NAV3: variants seen among roughly 807,000 people sequenced by gnomAD.
The protein encoded by NAV3 is pore membrane and/or filament interacting like protein 1.
In NAV3, 87 loss-of-function variants were observed where a neutral mutation model predicts 244.7. The observed-to-expected ratio is 0.36, with a 90% CI of 0.30 to 0.42. The LOEUF (loss-of-function observed/expected upper bound fraction) is 0.42. Ranked by LOEUF, NAV3 falls within the 20% of genes least tolerant of loss-of-function variation. The pLI is 1.00. For missense variants in NAV3, 2,663 were observed against 2,893.3 expected, an observed-to-expected ratio of 0.92 and a Z score of 1.83; for synonymous variants, 1,126 against 1,042.2, an observed-to-expected ratio of 1.08 and a Z score of -1.55.
At chr12:78,105,743 A>C (rs1445435402) in intron 12 of NAV3, among the ~76,000 whole-genome samples, 2 of 151,884 alleles carry the variant, frequency 1.3e-5, no homozygotes, top group East Asian at 3.8e-4. Flanking sequence ...TTCTTCATCA[A>C]GTTGGTATCT....
upstream of NAV3, among the ~76,000 whole-genome samples, chr12:77,829,314 G>A (rs919820135): frequency 6.6e-6 from 1 of 152,112 alleles, no homozygotes; most frequent in Non-Finnish European, 1.5e-5. Flanking sequence ...GTAATTCTGA[G>A]TCACTTCCTT....
chr12:78,063,401 G>C (rs532222091), intron 12 of NAV3, among the ~76,000 whole-genome samples: 34 of 152,220 alleles, frequency 2.2e-4, no homozygotes, highest in African/African-American at 8.2e-4. Context: ...CATTTTTGGG[G>C]ACTGCAGGAT....
chr12:78,122,708 A>G (rs888501099), intron 16 of NAV3, among the ~76,000 whole-genome samples: 2 of 152,180 alleles, frequency 1.3e-5, no homozygotes, highest in Admixed American at 1.3e-4. Flanking sequence ...TAGATATTGA[A>G]TGAGGTCTCC....
chr12:77,741,178 A>G (rs1192147231), intron 2 of NAV3, among the ~76,000 whole-genome samples: 5 of 150,468 alleles, frequency 3.3e-5, no homozygotes, highest in Admixed American at 2.0e-4. Flanking sequence ...AAAAGAAAGA[A>G]AAAGAAAAAG....
chr12:77,708,784 T>C (rs1467959830), intron 2 of NAV3, among the ~76,000 whole-genome samples: 1 of 152,206 alleles, frequency 6.6e-6, no homozygotes, highest in Admixed American at 6.5e-5. Context: ...ACATCCCTTG[T>C]AAGTTGGATT....
At chr12:77,927,524 C>G (rs1206377976) in intron 1 of NAV3, among the ~76,000 whole-genome samples, 1 of 152,140 alleles carries the variant, frequency 6.6e-6, no homozygotes, top group Non-Finnish European at 1.5e-5. Flanking sequence ...ATAGTGGTAC[C>G]TTCCTCTTAG....
intron 2 of NAV3, among the ~76,000 whole-genome samples, chr12:77,605,301 C>T (rs1038940336): frequency 2.0e-5 from 3 of 152,074 alleles, no homozygotes; most frequent in African/African-American, 7.2e-5. Context: ...TTATGAGAAT[C>T]AATAGCACCT....
chr12:78,103,798 G>A (rs888087949), intron 12 of NAV3, among the ~76,000 whole-genome samples: 1 of 152,156 alleles, frequency 6.6e-6, no homozygotes, highest in Non-Finnish European at 1.5e-5. Context: ...GACAGTATGG[G>A]TGATACCACC....
chr12:78,071,941 T>C (rs911271409), intron 12 of NAV3, among the ~76,000 whole-genome samples: 2 of 152,098 alleles, frequency 1.3e-5, no homozygotes, highest in African/African-American at 2.4e-5. Context: ...GACTACTGGG[T>C]ACATAATGAA....
chr12:77,893,168 A>G (rs936531623), intron 1 of NAV3, among the ~76,000 whole-genome samples: 15 of 152,222 alleles, frequency 9.9e-5, no homozygotes, highest in Non-Finnish European at 1.8e-4. Context: ...ATGCAAAGAA[A>G]CAAAAAGGAA....
At chr12:77,674,892 A>C (rs1459413135) in intron 2 of NAV3, among the ~76,000 whole-genome samples, 2 of 152,208 alleles carry the variant, frequency 1.3e-5, no homozygotes, top group Non-Finnish European at 2.9e-5. Context: ...CCAAACAAAT[A>C]TTCTGTATTT....
At chr12:77,795,012 C>A (rs1871343194) in intron 2 of NAV3, among the ~76,000 whole-genome samples, 1 of 152,070 alleles carries the variant, frequency 6.6e-6, no homozygotes, top group African/African-American at 2.4e-5. Flanking sequence ...AGCGAGAGGA[C>A]AAGTCACATG....
At chr12:78,081,573 G>T (rs1188055481) in intron 12 of NAV3, among the ~76,000 whole-genome samples, 1 of 152,066 alleles carries the variant, frequency 6.6e-6, no homozygotes, top group African/African-American at 2.4e-5. Context: ...TTTCTTTCTT[G>T]CTGCTTTTTC....
At position 78,168,822 on chromosome 12, in the gene NAV3, C is replaced by A. The variant is rs772196013; in HGVS notation, c.4937C>A (p.Ala1646Glu). 4 of 1,610,362 alleles carry A rather than the reference C, an allele frequency of 2.5e-6. No homozygotes were observed. Among genetic ancestry groups the A allele is most frequent in the African/African-American group, 1.3e-5 (1 of 74,614 alleles). ...AAGGCTCAGAATTCTGCTGCCCAGG[C>A]GGCTATTCAGGGAGCACTGAATGGT... ...MLKAQNSAAQ[A>E]AIQGALNGPD... is the part of the protein sequence containing the mutation. The change falls in exon 24 of 40, where the codon GCG becomes GAG. Residue 1646 changes from alanine (A) to glutamate (E), a missense_variant. This residue lies in a region of NAV3 where 193 missense variants were observed against 200.7 expected (regional missense o/e 0.96). Coordinates refer to ENST00000397909, the MANE Select transcript of NAV3 (RefSeq NM_001024383.2).
intron 8 of NAV3, among the ~76,000 whole-genome samples, chr12:78,011,521 G>GGTAA (rs931596895): frequency 3.9e-5 from 6 of 152,002 alleles, no homozygotes; most frequent in African/African-American, 4.8e-5. Flanking sequence ...TTAAGATAAG[G>GGTAA]GTAAGGCATA....
intron 8 of NAV3, among the ~76,000 whole-genome samples, chr12:78,011,150 A>G (rs779137360): frequency 8.5e-5 from 13 of 152,178 alleles, no homozygotes; most frequent in Non-Finnish European, 2.9e-5. Flanking sequence ...TGATAACTAG[A>G]GCTACCTGAA....
chr12:77,574,140 C>T (rs1038179317), intron 2 of NAV3, among the ~76,000 whole-genome samples: 1 of 152,104 alleles, frequency 6.6e-6, no homozygotes, highest in African/African-American at 2.4e-5. Flanking sequence ...CTCGCCTTCT[C>T]ATCGGTAAAG....
intron 2 of NAV3, among the ~76,000 whole-genome samples, chr12:77,603,871 T>A (rs1194443468): frequency 6.6e-6 from 1 of 152,126 alleles, no homozygotes; most frequent in Non-Finnish European, 1.5e-5. Flanking sequence ...GGGAGATATG[T>A]AATGACGAAG....
chr12:78,185,799 C>T, intron 31 of NAV3, 101 bp downstream of exon 31: 1 of 979,348 alleles, frequency 1.0e-6, no homozygotes. Flanking sequence ...TATCCTACAA[C>T]AATTGTGGAT....
Sources: allele counts gnomAD v4.1 joint callset (sites outside exome capture counted in the v4.1 genomes callset), GRCh38; gene constraint gnomAD v4.1.1; regional missense constraint gnomAD v4.1.1; transcripts MANE v1.5; gene names NCBI Gene and HGNC (gene_info 2026-07-23, HGNC 2026-07-21).